The following ZCCHC7 variants were observed in gnomAD, a reference collection of about 807,000 sequenced individuals.
ZCCHC7 encodes the protein zinc finger CCHC-type containing 7.
ZCCHC7 carries 35 observed loss-of-function variants against 52.0 expected under a neutral mutation model. The observed-to-expected ratio is 0.67, with a 90% CI of 0.51 to 0.89. The LOEUF (loss-of-function observed/expected upper bound fraction) is 0.89, where lower values mean the gene tolerates loss of function less well. Among genes scored for constraint, ZCCHC7 ranks in the 40% least tolerant of loss-of-function variants. The probability of loss-of-function intolerance (pLI) is 0.00; values close to 1 mark genes in which losing one functional copy is unlikely to be tolerated. For synonymous variants in ZCCHC7, 217 were observed against 221.5 expected, an observed-to-expected ratio of 0.98 and a Z score of 0.18; for missense variants, 574 against 649.1, an observed-to-expected ratio of 0.88 and a Z score of 1.26.
chr9:37,342,012 T>C (rs1747857762), intron 6 of ZCCHC7, among the ~76,000 whole-genome samples: 1 of 151,974 alleles, frequency 6.6e-6, no homozygotes, highest in Admixed American at 6.6e-5. Context: ...AGCTGAAGAG[T>C]GGTATGTTCT....
intron 2 of ZCCHC7, among the ~76,000 whole-genome samples, chr9:37,210,827 C>T (rs1482665454): frequency 6.6e-6 from 1 of 152,128 alleles, no homozygotes; most frequent in East Asian, 1.9e-4. Context: ...ATCTCTTTTG[C>T]ATATTTTGGT....
At chr9:37,260,281 C>T (rs1826803611) in intron 2 of ZCCHC7, among the ~76,000 whole-genome samples, 1 of 152,190 alleles carries the variant, frequency 6.6e-6, no homozygotes, top group Non-Finnish European at 1.5e-5. Flanking sequence ...ATTGCCATTG[C>T]CAATCTGGGC....
chr9:37,356,360 T>C (rs2118717141), intron 8 of ZCCHC7, among the ~76,000 whole-genome samples: 1 of 152,370 alleles, frequency 6.6e-6, no homozygotes. Flanking sequence ...ATCTCTACCC[T>C]GGAGGAATAA....
intron 6 of ZCCHC7, among the ~76,000 whole-genome samples, chr9:37,336,357 A>G (rs189670874): frequency 8.5e-4 from 129 of 152,308 alleles, no homozygotes; most frequent in African/African-American, 2.6e-3. Flanking sequence ...TAAGACAAGC[A>G]AAGGCTCAGA....
chr9:37,276,022 C>T (rs1314377351), intron 2 of ZCCHC7, among the ~76,000 whole-genome samples: 1 of 152,214 alleles, frequency 6.6e-6, no homozygotes, highest in Non-Finnish European at 1.5e-5. Context: ...TTCCCATTGT[C>T]TGCATCCTTG....
chr9:37,318,679 G>A (rs7041291), intron 5 of ZCCHC7, among the ~76,000 whole-genome samples: 79,281 of 151,622 alleles, frequency 0.52, 21,171 homozygotes, highest in African/African-American at 0.62. Flanking sequence ...TTGGGAGGCC[G>A]AGGCGGGCAG....
chr9:37,270,714 C>T (rs1588584741), intron 2 of ZCCHC7, among the ~76,000 whole-genome samples: 1 of 150,756 alleles, frequency 6.6e-6, no homozygotes, highest in South Asian at 2.1e-4. Flanking sequence ...AAAAGACCTC[C>T]TAGGGAATTT....
rs544810177 is a variant in ZCCHC7, at chr9:37,126,659, A to C, written c.327A>C (p.Arg109Ser). 52 of 1,614,106 alleles carry C rather than the reference A, an allele frequency of 3.2e-5. No individual in the cohort carries two copies. The East Asian group carries it at 1.2e-3, about 36-fold the overall frequency. ...SIYRCKGKNV[R>S]VQAQENAHGL... ...ATAGATGTAAAGGAAAGAATGTTAG[A>C]GTTCAAGCACAAGAAAATGCCCATG... is the stretch of plus-strand genomic sequence containing the variant. The change falls in exon 2 of 9, where the codon AGA becomes AGC. Residue 109 changes from arginine (R) to serine (S), a missense_variant. Arg to Ser is a moderately radical substitution (Grantham distance 110). Coordinates refer to ENST00000336755, the MANE Select transcript of ZCCHC7 (RefSeq NM_032226.3).
chr9:37,251,056 T>C (rs544675945), intron 2 of ZCCHC7, among the ~76,000 whole-genome samples: 1 of 152,206 alleles, frequency 6.6e-6, no homozygotes, highest in Non-Finnish European at 1.5e-5. Flanking sequence ...CTAGGCATGA[T>C]GAGTTACAAA....
intron 2 of ZCCHC7, among the ~76,000 whole-genome samples, chr9:37,226,922 C>T (rs974465005): frequency 4.6e-5 from 7 of 150,714 alleles, no homozygotes; most frequent in African/African-American, 1.7e-4. Flanking sequence ...CCCAGCTACT[C>T]ATGAGGCTGA....
chr9:37,242,370 G>A (rs1024852612), intron 2 of ZCCHC7, among the ~76,000 whole-genome samples: 2 of 151,744 alleles, frequency 1.3e-5, no homozygotes, highest in Non-Finnish European at 3.0e-5. Context: ...TGACTAGAGA[G>A]TTACAAATGG....
At chr9:37,159,636 A>C (rs1662295303) in intron 2 of ZCCHC7, among the ~76,000 whole-genome samples, 1 of 152,148 alleles carries the variant, frequency 6.6e-6, no homozygotes, top group Non-Finnish European at 1.5e-5. Flanking sequence ...TTCACTCCCA[A>C]GCGCTGAAGA....
intron 5 of ZCCHC7, among the ~76,000 whole-genome samples, chr9:37,307,640 T>C (rs1377461567): frequency 1.3e-5 from 2 of 152,306 alleles, no homozygotes; most frequent in Middle Eastern, 3.4e-3. Flanking sequence ...TCTTTTTTCT[T>C]ACAGCCCTTT....
intron 2 of ZCCHC7, among the ~76,000 whole-genome samples, chr9:37,139,846 CTAAA>C (rs1329641844): frequency 2.0e-5 from 3 of 151,886 alleles, no homozygotes; most frequent in South Asian, 2.1e-4. Context: ...TGTTTTGTAA[CTAAA>C]TAGTGCTTGC....
chr9:37,126,520 A>G lies in ZCCHC7; in HGVS notation c.188A>G (p.Glu63Gly), dbSNP rs1421002244. 3 of 1,613,956 alleles carry G rather than the reference A, an allele frequency of 1.9e-6. No individual in the cohort carries two copies. In the South Asian group the frequency reaches 3.3e-5, roughly 18 times the overall value. Reference sequence around the variant, plus strand: ...GAAGAAAAGAACTCTGGGAATTCGGAATCTTCGAGTAGTAAACCAAATCAG... The same window carrying G: ...GAAGAAAAGAACTCTGGGAATTCGGGATCTTCGAGTAGTAAACCAAATCAG... ...EHEEKNSGNS[E>G]SSSSKPNQKK... The change falls in exon 2 of 9, where the codon GAA becomes GGA. Residue 63 changes from glutamate to glycine, a missense_variant. Around this residue, in one of 3 missense-constraint regions of ZCCHC7, gnomAD observed 403 missense variants for 461.2 expected, o/e 0.87. Transcript: ENST00000336755.
chr9:37,287,659 G>A (rs185368028), intron 2 of ZCCHC7, among the ~76,000 whole-genome samples: 1 of 152,128 alleles, frequency 6.6e-6, no homozygotes, highest in Admixed American at 6.5e-5. Context: ...TTCTCTGTGT[G>A]TATACATATT....
At chr9:37,306,712 C>T (rs1829333286) in intron 5 of ZCCHC7, among the ~76,000 whole-genome samples, 1 of 147,420 alleles carries the variant, frequency 6.8e-6, no homozygotes, top group Non-Finnish European at 1.5e-5. Flanking sequence ...ATCCGCCCGC[C>T]TCGGCCTCCC....
chr9:37,126,304 T>C lies in ZCCHC7; in HGVS notation c.-21-8T>C, dbSNP rs764513437. ...AGTATATTCTGTGTACAACTTTCTCTTTTGCAGCTTCAAGGTTACTGACTT... is the reference window on the plus strand; with the variant it reads ...AGTATATTCTGTGTACAACTTTCTCCTTTGCAGCTTCAAGGTTACTGACTT... On this transcript the variant is annotated splice_region_variant and splice_polypyrimidine_tract_variant and intron_variant, in intron 1 of 8. Transcript: ENST00000336755. 3.1e-6 allele frequency: 5 copies of C among 1,589,660 alleles called. No individual in the cohort carries two copies. Among genetic ancestry groups the C allele is most frequent in the Non-Finnish European group, 4.3e-6 (5 of 1,169,644 alleles).
At chr9:37,236,971 A>G (rs763911007) in intron 2 of ZCCHC7, among the ~76,000 whole-genome samples, 1 of 152,158 alleles carries the variant, frequency 6.6e-6, no homozygotes, top group African/African-American at 2.4e-5. Context: ...AGGGGTGCCT[A>G]TGTCTCAGAA....
Sources: allele counts gnomAD v4.1 joint callset (sites outside exome capture counted in the v4.1 genomes callset), GRCh38; gene constraint gnomAD v4.1.1; regional missense constraint gnomAD v4.1.1; transcripts MANE v1.5; gene names NCBI Gene and HGNC (gene_info 2026-07-23, HGNC 2026-07-21).